The following TIAM2 variants were observed in gnomAD, a reference collection of about 807,000 sequenced individuals.
TIAM2 encodes rho guanine nucleotide exchange factor TIAM2.
TIAM2 carries 80 observed loss-of-function variants against 152.9 expected under a neutral mutation model. The observed-to-expected ratio is 0.52, with a 90% confidence interval of 0.44 to 0.63. The LOEUF is 0.63. Ranked by LOEUF, TIAM2 falls within the 30% of genes least tolerant of loss-of-function variation. The pLI, the probability that TIAM2 is intolerant of heterozygous loss-of-function variation, is 0.00. For missense variants in TIAM2, 1,965 were observed against 2,120.1 expected (o/e 0.93, Z 1.44); for synonymous variants, 804 against 838.0 (o/e 0.96, Z 0.70).
rs201221414 is a variant in TIAM2 at position 155,137,140 on chromosome 6, G to A, written c.1195-37G>A. On this transcript the variant is annotated intron_variant, in intron 4 of 26. Transcript: ENST00000682666. ...GCAAGAAGGGATGCTTTGGATAGCC[G>A]TAAGCTCTGATGGGTGATCATGTGT... is the stretch of plus-strand genomic sequence containing the variant. 112 of 1,592,148 alleles carry A rather than the reference G, an allele frequency of 7.0e-5. 1 individual carries two copies. The Admixed American group carries it at 9.9e-4, about 14-fold the overall frequency.
intron 1 of TIAM2, among the ~76,000 whole-genome samples, chr6:155,032,912 A>G (rs1776852356): frequency 6.6e-6 from 1 of 152,238 alleles, no homozygotes; most frequent in Non-Finnish European, 1.5e-5. Context: ...TTTGGGGTAT[A>G]TAAAAGAATC....
intron 25 of TIAM2, 67 bp from the exon 26 acceptor site, chr6:155,254,352 G>C: frequency 2.5e-6 from 4 of 1,570,664 alleles, no homozygotes; most frequent in Non-Finnish European, 3.5e-6. Flanking sequence ...GAACACAGGC[G>C]GGCGTGGAAT....
At chr6:155,024,346 A>C (rs1293682763) in intron 1 of TIAM2, among the ~76,000 whole-genome samples, 1 of 152,208 alleles carries the variant, frequency 6.6e-6, no homozygotes, top group Non-Finnish European at 1.5e-5. Context: ...GTATTAACAG[A>C]AATAAAACAA....
At chr6:155,047,339 C>A (rs1157810369) in intron 1 of TIAM2, among the ~76,000 whole-genome samples, 1 of 152,106 alleles carries the variant, frequency 6.6e-6, no homozygotes, top group Non-Finnish European at 1.5e-5. Context: ...GCCACCACAC[C>A]CGGCTAATTT....
chr6:155,093,045 CTGTT>C (rs1778338655), intron 2 of TIAM2, among the ~76,000 whole-genome samples: 1 of 152,144 alleles, frequency 6.6e-6, no homozygotes, highest in Admixed American at 6.5e-5. Flanking sequence ...GACAATAAAA[CTGTT>C]TGCAAACATG....
At chr6:155,243,474 T>G (rs1161211236) in intron 16 of TIAM2, among the ~76,000 whole-genome samples, 1 of 152,192 alleles carries the variant, frequency 6.6e-6, no homozygotes, top group Non-Finnish European at 1.5e-5. Flanking sequence ...TGTAAAGGTG[T>G]GGAATCCAGC....
chr6:155,088,882 G>A (rs1421386873), intron 1 of TIAM2, among the ~76,000 whole-genome samples: 1 of 152,154 alleles, frequency 6.6e-6, no homozygotes, highest in Non-Finnish European at 1.5e-5. Context: ...TTCTCTTCCA[G>A]TGTGACTCAG....
Position 155,129,484 on chromosome 6 carries a change from A to G in TIAM2, c.261A>G (p.Arg87=). 6.2e-7 allele frequency: 1 copy of G among 1,614,126 alleles called. No individual in the cohort carries two copies. The highest frequency in any genetic ancestry group is 8.5e-7 in the Non-Finnish European group (1 of 1,180,014). The change falls in exon 4 of 27, where the codon AGA becomes AGG. Residue 87 remains arginine (R), a synonymous_variant. Transcript: ENST00000682666. This position sits in a 1 kb window ranked among gnomAD's most constrained non-coding sequence, Gnocchi z 4.8. ...GTGGCCCCACATGCAAGGTCTCCAGAGGTGTTGCCTACTCCACGCACAGGA... is the reference window on the plus strand; with the variant it reads ...GTGGCCCCACATGCAAGGTCTCCAGGGGTGTTGCCTACTCCACGCACAGGA... The part of the protein sequence containing the change: ...RLGGPTCKVS[R]GVAYSTHRTN...
chr6:155,121,193 C>T (rs1363460822), intron 2 of TIAM2, among the ~76,000 whole-genome samples: 2 of 152,028 alleles, frequency 1.3e-5, no homozygotes, highest in Admixed American at 1.3e-4. Context: ...CAAAATCAGA[C>T]TTAAAGCTAA....
intron 2 of TIAM2, among the ~76,000 whole-genome samples, chr6:155,094,316 G>A (rs1270979374): frequency 2.6e-5 from 4 of 151,986 alleles, no homozygotes; most frequent in African/African-American, 9.7e-5. Context: ...ATTTACTTAA[G>A]TTGTTTTCTT....
At chr6:155,205,182 TAAAAAAAAAAAAAAAAAAAAA>T (rs61272546) in intron 14 of TIAM2, among the ~76,000 whole-genome samples, 1,203 of 40,586 alleles carry the variant, frequency 0.03, 55 homozygotes, top group African/African-American at 0.12. Flanking sequence ...TATTAATTTC[TAAAAAAAAAAAAAAAAAAAAA>T]AAAAAAAAAA....
At chr6:155,063,968 T>C (rs958212337) in intron 1 of TIAM2, among the ~76,000 whole-genome samples, 10 of 152,054 alleles carry the variant, frequency 6.6e-5, no homozygotes, top group African/African-American at 2.4e-4. Context: ...TGGATAGATG[T>C]AGCCAAATAT....
At chr6:155,165,689 G>A (rs989603808) in intron 9 of TIAM2, among the ~76,000 whole-genome samples, 2 of 152,180 alleles carry the variant, frequency 1.3e-5, no homozygotes, top group African/African-American at 4.8e-5. Context: ...TCGGGAAGCT[G>A]AATTGGGAAG....
At chr6:155,244,222 GCCT>G (rs1205528904) in intron 17 of TIAM2, 143 bp downstream of exon 17, 3 of 792,930 alleles carry the variant, frequency 3.8e-6, no homozygotes, top group African/African-American at 1.7e-5. Context: ...CCCAGGCATA[GCCT>G]CCTCCTAAAC....
Position 155,041,147 on chromosome 6 carries a change from C to T in TIAM2, c.-209+45655C>T, listed in dbSNP as rs558763955. 2.0e-5 allele frequency among the ~76,000 whole-genome samples: 3 copies of T among 152,184 alleles called. No individual in the cohort carries two copies. The South Asian group carries it at 6.2e-4, about 32-fold the overall frequency. On this transcript the variant is annotated intron_variant, in intron 1 of 26. Transcript: ENST00000682666. ...CTTGGACAAAGCCAGAATTTGGATC[C>T]TAAATTAAAGGTGAAAAACAAGTCT...
intron 19 of TIAM2, 85 bp downstream of exon 19, chr6:155,245,816 G>C: frequency 2.2e-6 from 2 of 915,350 alleles, no homozygotes; most frequent in Non-Finnish European, 1.6e-6. Context: ...TTAACAAGTA[G>C]AGAGTAAGTA....
At chr6:155,203,957 G>C (rs1781539389) in intron 14 of TIAM2, among the ~76,000 whole-genome samples, 1 of 152,100 alleles carries the variant, frequency 6.6e-6, no homozygotes, top group Admixed American at 6.5e-5. Flanking sequence ...TCTCAGAGGT[G>C]GTGGCGCTGA....
At chr6:155,059,350 G>C (rs1777525004) in intron 1 of TIAM2, among the ~76,000 whole-genome samples, 1 of 149,276 alleles carries the variant, frequency 6.7e-6, no homozygotes, top group Non-Finnish European at 1.5e-5. Flanking sequence ...TTGAGACAGA[G>C]TCTCACTCTG....
chr6:155,115,887 G>A (rs952698902), intron 2 of TIAM2, among the ~76,000 whole-genome samples: 8 of 152,144 alleles, frequency 5.3e-5, no homozygotes, highest in East Asian at 1.9e-4. Flanking sequence ...CGAGGTGGGC[G>A]GCTCACCTGA....
Sources: allele counts gnomAD v4.1 joint callset (sites outside exome capture counted in the v4.1 genomes callset), GRCh38; gene constraint gnomAD v4.1.1; non-coding constraint Gnocchi (gnomAD v3.1); transcripts MANE v1.5; gene names NCBI Gene and HGNC (gene_info 2026-07-23, HGNC 2026-07-21).